TCAF1: variants seen among roughly 807,000 people sequenced by gnomAD.
TCAF1 encodes the protein TRPM8 channel associated factor 1, also known as TRPM8 channel-associated factor 1.
TCAF1 carries 4 observed loss-of-function variants against 27.3 expected under a neutral mutation model. The ratio of observed to expected loss-of-function variants is 0.15; its 90% confidence interval spans 0.07 to 0.34. The LOEUF (loss-of-function observed/expected upper bound fraction) is 0.34, where lower values mean the gene tolerates loss of function less well. Ranked by LOEUF, TCAF1 falls within the 10% of genes least tolerant of loss-of-function variation. The pLI, the probability that TCAF1 is intolerant of heterozygous loss-of-function variation, is 1.00. For synonymous variants in TCAF1, 105 were observed against 167.1 expected, an observed-to-expected ratio of 0.63 and a Z score of 2.87; for missense variants, 257 against 425.8, an observed-to-expected ratio of 0.60 and a Z score of 3.49.
chr7:143,893,072 G>A (rs921108909), intron 1 of TCAF1, among the ~76,000 whole-genome samples: 1 of 152,074 alleles, frequency 6.6e-6, no homozygotes, highest in Admixed American at 6.5e-5. Context: ...GAAAGTGAAA[G>A]GATGGAAAAA....
At chr7:143,871,342 T>G (rs1399341840) in intron 2 of TCAF1, among the ~76,000 whole-genome samples, 2 of 144,566 alleles carry the variant, frequency 1.4e-5, no homozygotes, top group East Asian at 4.0e-4. Context: ...TGGGACAACT[T>G]AGCCTTCAAA....
At chr7:143,892,381 A>C (rs751600222) in intron 1 of TCAF1, among the ~76,000 whole-genome samples, 2 of 152,050 alleles carry the variant, frequency 1.3e-5, no homozygotes, top group African/African-American at 4.8e-5. Context: ...TAAAGTAACC[A>C]TTAAAATAAT....
At chr7:143,877,800 C>A (rs530216886) in intron 1 of TCAF1, among the ~76,000 whole-genome samples, 35 of 152,190 alleles carry the variant, frequency 2.3e-4, no homozygotes, top group Admixed American at 1.3e-4. Context: ...TCTGTCAGTG[C>A]GGCCCGAGGT....
Position 143,860,012 on chromosome 7 carries a change from A to T in TCAF1, c.2167+196T>A, listed in dbSNP as rs11771255. ...AATATATATTATATAATATATATAT[A>T]ATATATATTATATATTATATATATA... On this transcript the variant is annotated intron_variant, in intron 6 of 8. Coordinates refer to ENST00000479870, the MANE Select transcript of TCAF1 (RefSeq NM_014719.3). Among the ~76,000 whole-genome samples the T allele has an allele frequency of 2.4e-3, 35 of 14,816 alleles. No homozygotes were observed. In the East Asian group the frequency reaches 0.044, roughly 19 times the overall value. 9.7% of individuals were successfully genotyped at this position (14,816 alleles called of 152,430 possible). A position where few individuals can be genotyped will look rare whatever the true frequency, so the allele number is the denominator to read the frequency against.
chr7:143,882,807 G>C (rs1813146361), intron 1 of TCAF1: 7 of 985,742 alleles, frequency 7.1e-6, no homozygotes, highest in Non-Finnish European at 8.4e-6. Flanking sequence ...AATGCACAGG[G>C]AAGAGGCTTC....
chr7:143,895,330 GA>G (rs1289043659), intron 1 of TCAF1, among the ~76,000 whole-genome samples: 2 of 151,504 alleles, frequency 1.3e-5, no homozygotes, highest in Non-Finnish European at 1.5e-5. Context: ...CAATACTATA[GA>G]AAAAAAAGTA....
intron 1 of TCAF1, among the ~76,000 whole-genome samples, chr7:143,894,524 A>G (rs1458340258): frequency 6.6e-6 from 1 of 151,786 alleles, no homozygotes; most frequent in Admixed American, 6.6e-5. Flanking sequence ...CTATATAAAA[A>G]CCAATGAACC....
At chr7:143,887,626 G>A (rs1813471508) in intron 1 of TCAF1, among the ~76,000 whole-genome samples, 2 of 152,236 alleles carry the variant, frequency 1.3e-5, no homozygotes, top group South Asian at 4.1e-4. Flanking sequence ...ATCCAAGGTA[G>A]TCTAAAACTG....
In TCAF1 at chr7:143,894,396, C is replaced by T. The variant is rs1175120422; in HGVS notation, c.-15+7565G>A. ...CAGCATAACTTTGATAGCAAAATCT[C>T]GTAAGTACATTATAAGAACAAAAAC... On this transcript the variant is annotated intron_variant, in intron 1 of 8. Transcript: ENST00000479870. Among the ~76,000 whole-genome samples the T allele has an allele frequency of 4.0e-5, 6 of 151,800 alleles. No homozygotes were observed. In the South Asian group the frequency reaches 8.3e-4, roughly 21 times the overall value.
intron 1 of TCAF1, chr7:143,882,573 GA>G (rs751896558): frequency 1.7e-4 from 166 of 985,228 alleles, no homozygotes; most frequent in Non-Finnish European, 1.8e-4. Context: ...CTCTGTCCCC[GA>G]TGATTTCTGA....
intron 1 of TCAF1, among the ~76,000 whole-genome samples, chr7:143,878,058 T>C (rs950303220): frequency 1.3e-5 from 2 of 152,190 alleles, no homozygotes; most frequent in African/African-American, 4.8e-5. Context: ...GGACAACACA[T>C]CTCAGATTTA....
In TCAF1 at chr7:143,852,520, T is replaced by C. The variant is rs1487852555; in HGVS notation, c.*1613A>G. 4 of 153,310 alleles carry C rather than the reference T, an allele frequency of 2.6e-5. No individual in the cohort carries two copies. Among genetic ancestry groups the C allele is most frequent in the African/African-American group, 7.2e-5 (3 of 41,512 alleles). The allele number at this position is 153,310 out of a possible 1,614,324, so 9.5% of individuals were successfully genotyped here. A position where few individuals can be genotyped will look rare whatever the true frequency, so the allele number is the denominator to read the frequency against. ...GGGTGCAAAGGAGACTTTCTGAAAA[T>C]TTGCCTGACAGAAAATGTCTTCACT... On this transcript the variant is annotated 3_prime_UTR_variant, in exon 9 of 9. Transcript: ENST00000479870.
intron 1 of TCAF1, among the ~76,000 whole-genome samples, chr7:143,879,487 CTCTTTT>C (rs1404696122): frequency 8.5e-5 from 13 of 152,272 alleles, no homozygotes; most frequent in African/African-American, 1.4e-4. Context: ...AATGTCTGCG[CTCTTTT>C]TCAAAAACAA....
At chr7:143,881,867 G>C (rs1397606646) in intron 1 of TCAF1, 1 of 152,158 alleles carries the variant, frequency 6.6e-6, no homozygotes, top group Non-Finnish European at 1.5e-5. Flanking sequence ...TCACTCAAGA[G>C]GATGACATAA....
intron 1 of TCAF1, among the ~76,000 whole-genome samples, chr7:143,886,287 G>A (rs1450831391): frequency 3.2e-4 from 48 of 152,112 alleles, no homozygotes; most frequent in Admixed American, 3.1e-3. Context: ...GGTTGTCCTG[G>A]GACCAAACTG....
intron 1 of TCAF1, among the ~76,000 whole-genome samples, chr7:143,885,884 G>A (rs921929351): frequency 1.9e-4 from 29 of 152,020 alleles, no homozygotes; most frequent in Admixed American, 1.2e-3. Context: ...CCTCATTAGC[G>A]TTTCAATAGT....
chr7:143,885,299 G>T, intron 1 of TCAF1: 1 of 985,556 alleles, frequency 1.0e-6, no homozygotes, highest in Non-Finnish European at 1.2e-6. Flanking sequence ...GACGCCTTGG[G>T]AATTTGCAAA....
intron 1 of TCAF1, among the ~76,000 whole-genome samples, chr7:143,890,165 T>C (rs976999447): frequency 6.6e-6 from 1 of 151,996 alleles, no homozygotes; most frequent in Non-Finnish European, 1.5e-5. Context: ...TTTTATTTTA[T>C]TTTATTTTTT....
intron 1 of TCAF1, among the ~76,000 whole-genome samples, chr7:143,880,921 C>A (rs770310233): frequency 6.6e-6 from 1 of 152,364 alleles, no homozygotes; most frequent in Admixed American, 6.5e-5. Context: ...CCTTTCATTT[C>A]TCTCCCTAAC....
Sources: gnomAD v4.1 joint callset for allele counts (sites outside exome capture counted in the v4.1 genomes callset) on GRCh38, gnomAD v4.1.1 for gene constraint, MANE v1.5 for transcripts, NCBI Gene and HGNC (gene_info 2026-07-23, HGNC 2026-07-21) for gene names.